Variants in PELI1 observed in about 807,000 individuals in gnomAD.
The protein encoded by PELI1 is E3 ubiquitin-protein ligase pellino homolog 1.
Under a neutral mutation model 41.3 loss-of-function variants are expected in PELI1, and 15 were observed. That is an observed-to-expected ratio of 0.36 (90% CI 0.24 to 0.56). The LOEUF (loss-of-function observed/expected upper bound fraction) is 0.56. PELI1 is among the 20% of genes least tolerant of loss of function. PELI1 has a pLI of 0.82. For synonymous variants in PELI1, 178 were observed against 180.1 expected, an observed-to-expected ratio of 0.99 and a Z score of 0.09; for missense variants, 403 against 525.5, an observed-to-expected ratio of 0.77 and a Z score of 2.28.
At chr2:64,140,812 A>AAAAAAAAAAAAAAAAAAAAAAT (rs1558490191) in intron 1 of PELI1, among the ~76,000 whole-genome samples, 1 of 148,452 alleles carries the variant, frequency 6.7e-6, no homozygotes, top group African/African-American at 2.5e-5. Flanking sequence ...AACAAACAAA[A>AAAAAAAAAAAAAAAAAAAAAAT]AAAAACCTAG....
intron 1 of PELI1, among the ~76,000 whole-genome samples, chr2:64,127,022 G>A (rs1323290262): frequency 6.6e-6 from 1 of 152,064 alleles, no homozygotes; most frequent in East Asian, 1.9e-4. Context: ...CAAAAAGTAT[G>A]ACAATTATTA....
intron 3 of PELI1, 148 bp downstream of exon 3, chr2:64,104,553 C>A: frequency 8.0e-7 from 1 of 1,244,234 alleles, no homozygotes; most frequent in Non-Finnish European, 1.0e-6. Flanking sequence ...TCTTCAAATA[C>A]CATGTCTCCA....
chr2:64,108,066 G>T (rs1160058787), intron 2 of PELI1, among the ~76,000 whole-genome samples, 174 bp downstream of exon 2: 1 of 152,156 alleles, frequency 6.6e-6, no homozygotes, highest in Non-Finnish European at 1.5e-5. Flanking sequence ...TTAAAAGATG[G>T]CATGAATATG....
intron 1 of PELI1, among the ~76,000 whole-genome samples, chr2:64,111,640 C>A (rs987385113): frequency 1.2e-4 from 18 of 152,148 alleles, no homozygotes; most frequent in African/African-American, 4.3e-4. Context: ...CAATCAGATT[C>A]CTTATTTAGA....
intron 1 of PELI1, among the ~76,000 whole-genome samples, chr2:64,137,831 A>G (rs1041098872): frequency 2.0e-5 from 3 of 152,118 alleles, no homozygotes; most frequent in African/African-American, 4.8e-5. Flanking sequence ...GTAATGAGCT[A>G]TTTTCACGTG....
chr2:64,113,083 G>A (rs573828154), intron 1 of PELI1, among the ~76,000 whole-genome samples: 1 of 151,604 alleles, frequency 6.6e-6, no homozygotes, highest in South Asian at 2.1e-4. Context: ...TTTGAGACCA[G>A]CCTGCGCAAC....
intron 3 of PELI1, among the ~76,000 whole-genome samples, chr2:64,104,077 G>A (rs954398546): frequency 6.6e-6 from 1 of 152,204 alleles, no homozygotes; most frequent in Non-Finnish European, 1.5e-5. Context: ...AAGGGGGCTA[G>A]AAGCATGAAA....
intron 1 of PELI1, among the ~76,000 whole-genome samples, chr2:64,109,095 C>T (rs1182471581): frequency 2.0e-5 from 3 of 152,130 alleles, no homozygotes; most frequent in East Asian, 3.9e-4. Context: ...CCCTGATGGC[C>T]GGGCATGCCC....
At chr2:64,137,685 ATTTT>A (rs1261474305) in intron 1 of PELI1, among the ~76,000 whole-genome samples, 8 of 152,066 alleles carry the variant, frequency 5.3e-5, no homozygotes, top group Non-Finnish European at 1.2e-4. Context: ...ACTGGATCTG[ATTTT>A]TAGAAATAGC....
intron 1 of PELI1, among the ~76,000 whole-genome samples, chr2:64,123,536 T>C (rs907157178): frequency 6.6e-6 from 1 of 152,184 alleles, no homozygotes; most frequent in African/African-American, 2.4e-5. Context: ...GATATACAAA[T>C]AGCCAATATG....
Position 64,092,847 on chromosome 2 carries a change from C to T in PELI1, c.*1855G>A, listed in dbSNP as rs532219429. The T allele has an allele frequency of 1.3e-5, 2 of 152,138 alleles. No individual in the cohort carries two copies. The highest frequency in any genetic ancestry group is 6.5e-5 in the Admixed American group (1 of 15,284). 9.4% of individuals were successfully genotyped at this position (152,138 alleles called of 1,614,324 possible). A position where few individuals can be genotyped will look rare whatever the true frequency, so the allele number is the denominator to read the frequency against. On this transcript the variant is annotated 3_prime_UTR_variant, in exon 7 of 7. Coordinates refer to ENST00000358912, the MANE Select transcript of PELI1 (RefSeq NM_020651.4). Reference sequence around the variant, plus strand: ...TTATGCAAAAATGAACTCACAGAGACGAATTCAATTATGTATTTTGAAAAG... The same window carrying T: ...TTATGCAAAAATGAACTCACAGAGATGAATTCAATTATGTATTTTGAAAAG...
chr2:64,094,905 C>T lies in PELI1; in HGVS notation c.1054G>A (p.Gly352Arg). 1.2e-6 allele frequency: 2 copies of T among 1,614,192 alleles called. No homozygotes were observed. Among genetic ancestry groups the T allele is most frequent in the South Asian group, 1.1e-5 (1 of 91,088 alleles). ...YVPLWLGCEA[G>R]FYVDAGPPTH... ...GGAGGGCCGGCGTCCACATAAAATC[C>T]AGCTTCACATCCAAGCCACAGAGGA... Residue 352 changes from glycine (G) to arginine (R), a missense_variant, in exon 7 of 7, where the codon GGA becomes AGA. Transcript: ENST00000358912.
chr2:64,116,112 GT>G (rs1680982086), intron 1 of PELI1, among the ~76,000 whole-genome samples: 1 of 152,198 alleles, frequency 6.6e-6, no homozygotes, highest in South Asian at 2.1e-4. Flanking sequence ...TTAGAAGTGA[GT>G]CCAGACAGTT....
intron 1 of PELI1, among the ~76,000 whole-genome samples, chr2:64,140,695 A>G (rs1437450299): frequency 6.6e-6 from 1 of 151,456 alleles, no homozygotes; most frequent in Non-Finnish European, 1.5e-5. Context: ...TTAAACAACA[A>G]AAAGTATTTA....
intron 1 of PELI1, chr2:64,143,644 T>C (rs1231933546): frequency 2.0e-5 from 3 of 152,144 alleles, no homozygotes; most frequent in African/African-American, 7.2e-5. Context: ...ATAAAAAGAA[T>C]GACTAACTTG....
intron 1 of PELI1, among the ~76,000 whole-genome samples, chr2:64,108,914 G>C (rs2103691430): frequency 6.6e-6 from 1 of 152,322 alleles, no homozygotes; most frequent in South Asian, 2.1e-4. Context: ...ACTTTTGACA[G>C]TAACTGCTCC....
chr2:64,120,791 T>A (rs979257449), intron 1 of PELI1, among the ~76,000 whole-genome samples: 7 of 152,232 alleles, frequency 4.6e-5, no homozygotes, highest in Admixed American at 6.5e-5. Context: ...TATCTTTTTT[T>A]AAAAAAGTAG....
Position 64,094,473 on chromosome 2 carries a change from T to C in PELI1, c.*229A>G, listed in dbSNP as rs1197658358. 2.0e-5 allele frequency: 9 copies of C among 443,970 alleles called. No homozygotes were observed. In the Admixed American group the frequency reaches 3.1e-4, roughly 15 times the overall value. The allele number at this position is 443,970 out of a possible 1,614,324, so 27.5% of individuals were successfully genotyped here. On this transcript the variant is annotated 3_prime_UTR_variant, in exon 7 of 7. Coordinates refer to ENST00000358912, the MANE Select transcript of PELI1 (RefSeq NM_020651.4). ...ACTATGTCTTTTTCTCCTCAAAATA[T>C]ATTTTCAAAACTCAGAATTCAGAAG... is the stretch of plus-strand genomic sequence containing the variant.
chr2:64,108,167 G>T, intron 2 of PELI1, 73 bp downstream of exon 2: 1 of 787,748 alleles, frequency 1.3e-6, no homozygotes, highest in Non-Finnish European at 2.1e-6. Context: ...AAAAAAAAAA[G>T]TACTTTTAGC....
Sources: gnomAD v4.1 joint callset for allele counts (sites outside exome capture counted in the v4.1 genomes callset) on GRCh38, gnomAD v4.1.1 for gene constraint, MANE v1.5 for transcripts, NCBI Gene and HGNC (gene_info 2026-07-23, HGNC 2026-07-21) for gene names.